The following ZFAT variants were observed in gnomAD, a reference collection of about 807,000 sequenced individuals.
ZFAT encodes the protein zinc finger protein ZFAT.
A neutral mutation model predicts 117.7 loss-of-function variants in ZFAT; 64 were observed. That is an observed-to-expected ratio of 0.54 (90% CI 0.44 to 0.67). The LOEUF (loss-of-function observed/expected upper bound fraction) is 0.67, where lower values mean the gene tolerates loss of function less well. ZFAT is among the 30% of genes least tolerant of loss of function. The pLI, the probability that ZFAT is intolerant of heterozygous loss-of-function variation, is 0.00. For missense variants in ZFAT, 1,433 were observed against 1,584.5 expected, an observed-to-expected ratio of 0.90 and a Z score of 1.62; for synonymous variants, 679 against 615.0, an observed-to-expected ratio of 1.10 and a Z score of -1.54.
chr8:134,727,717 T>C, the ZFAT span, among the ~76,000 whole-genome samples: 1 of 152,062 alleles, frequency 6.6e-6, no homozygotes, highest in Non-Finnish European at 1.5e-5. Flanking sequence ...GGCCAGATAG[T>C]AAATATTTTC....
chr8:134,507,698 G>A (rs545992620), intron 15 of ZFAT, among the ~76,000 whole-genome samples: 32 of 152,290 alleles, frequency 2.1e-4, no homozygotes, highest in African/African-American at 7.5e-4. Context: ...GTGACCTCGT[G>A]TATCACTGCA....
intron 10 of ZFAT, among the ~76,000 whole-genome samples, chr8:134,570,062 CA>C (rs1824781239): frequency 1.3e-5 from 2 of 152,102 alleles, no homozygotes; most frequent in South Asian, 4.2e-4. Context: ...TCTCAGAGCT[CA>C]TGTACTGCCT....
At chr8:134,650,669 A>G (rs1475727550) in intron 2 of ZFAT, among the ~76,000 whole-genome samples, 2 of 152,224 alleles carry the variant, frequency 1.3e-5, no homozygotes, top group African/African-American at 4.8e-5. Flanking sequence ...TACTACAGTT[A>G]CAGCCATCTA....
chr8:134,772,266 A>T, the ZFAT span, among the ~76,000 whole-genome samples: 1 of 152,374 alleles, frequency 6.6e-6, no homozygotes, highest in East Asian at 1.9e-4. Flanking sequence ...AAGCTAAGAC[A>T]GGCCTAAGGC....
At chr8:134,622,479 C>T (rs1458632823) in intron 3 of ZFAT, among the ~76,000 whole-genome samples, 2 of 152,180 alleles carry the variant, frequency 1.3e-5, no homozygotes, top group Non-Finnish European at 2.9e-5. Context: ...GGGTCTAGTG[C>T]CCCTGCAGGG....
chr8:134,559,231 G>A (rs753875301), intron 11 of ZFAT, among the ~76,000 whole-genome samples: 12 of 152,162 alleles, frequency 7.9e-5, no homozygotes, highest in Admixed American at 3.9e-4. Context: ...TCACCCACCT[G>A]CAACAGGTTA....
chr8:134,508,002 A>G (rs888190492), intron 15 of ZFAT, among the ~76,000 whole-genome samples: 1 of 152,230 alleles, frequency 6.6e-6, no homozygotes, highest in Non-Finnish European at 1.5e-5. Flanking sequence ...AAAGGTACTT[A>G]GCCTGGAAGT....
intron 15 of ZFAT, among the ~76,000 whole-genome samples, chr8:134,502,564 C>A (rs570694164): frequency 5.9e-4 from 90 of 152,286 alleles, no homozygotes; most frequent in African/African-American, 2.1e-3. Flanking sequence ...TATGCTGAGC[C>A]CAGGGTGGGG....
chr8:134,728,931 T>A, the ZFAT span, among the ~76,000 whole-genome samples: 1 of 152,210 alleles, frequency 6.6e-6, no homozygotes, highest in Non-Finnish European at 1.5e-5. Context: ...GGATTTTTTT[T>A]AATGGAAAGT....
rs553419095 is a variant in ZFAT, at chr8:134,687,525, C to T, written c.19+25320G>A. Among the ~76,000 whole-genome samples the T allele has an allele frequency of 2.0e-5, 3 of 152,194 alleles. No individual in the cohort carries two copies. In the South Asian group the frequency reaches 6.2e-4, roughly 32 times the overall value. On this transcript the variant is annotated intron_variant, in intron 1 of 15. Transcript: ENST00000377838. ...CAATAATCATAGCTTTAAAATGTGG[C>T]CCTCAGGAAAGCACCACAAATCATT...
chr8:134,544,017 G>A (rs1822485589), intron 11 of ZFAT, among the ~76,000 whole-genome samples: 2 of 152,222 alleles, frequency 1.3e-5, no homozygotes, highest in Non-Finnish European at 2.9e-5. Flanking sequence ...GGTACTAAGA[G>A]TGGGAATGTT....
rs1830951244 is a variant in ZFAT at position 134,647,240 on chromosome 8, T to C, written c.197-9528A>G. ...CATATGTGTATAAATAAATGTGATA[T>C]ATAACATTTATAGAATTAAGGACAA... On this transcript the variant is annotated intron_variant, in intron 2 of 15. Transcript: ENST00000377838. Among the ~76,000 whole-genome samples the C allele has an allele frequency of 2.6e-5, 4 of 152,164 alleles. No homozygotes were observed. In the South Asian group the frequency reaches 8.3e-4, roughly 32 times the overall value.
At chr8:134,526,043 T>G (rs1554638574) in intron 12 of ZFAT, among the ~76,000 whole-genome samples, 1 of 152,062 alleles carries the variant, frequency 6.6e-6, no homozygotes, top group Non-Finnish European at 1.5e-5. Flanking sequence ...ACCTCCACTT[T>G]TTGTTGTTGT....
At chr8:134,738,268 G>A in the ZFAT span, among the ~76,000 whole-genome samples, 132,298 of 151,882 alleles carry the variant, frequency 0.87, 57,873 homozygotes, top group Non-Finnish European at 0.89. Context: ...CACCAAGCTT[G>A]GGGGTTGAAA....
Position 134,537,836 on chromosome 8 carries a change from C to G in ZFAT, c.2977-4864G>C, listed in dbSNP as rs76315416. On this transcript the variant is annotated intron_variant, in intron 11 of 15. Transcript: ENST00000377838. The stretch of plus-strand genomic sequence containing the variant: ...TTAAGAGAGGTGAAGAAGGTAAAAC[C>G]AGTCAGACCTGATGGCTGGGATGAT... Among the ~76,000 whole-genome samples the G allele has an allele frequency of 2.9e-3, 441 of 152,202 alleles. 3 individuals are homozygous for G. Among genetic ancestry groups the G allele is most frequent in the African/African-American group, 0.01 (420 of 41,536 alleles).
chr8:134,669,219 A>C (rs1832423294), intron 1 of ZFAT, among the ~76,000 whole-genome samples: 1 of 152,234 alleles, frequency 6.6e-6, no homozygotes, highest in African/African-American at 2.4e-5. Context: ...CTAACAAGGT[A>C]GGCCAACATT....
chr8:134,564,944 T>G, intron 11 of ZFAT: 1 of 1,211,788 alleles, frequency 8.3e-7, no homozygotes, highest in Non-Finnish European at 1.0e-6. Context: ...TACAACTGCT[T>G]GCCGGGTGGG....
At position 134,712,846 on chromosome 8, in the gene ZFAT, T is replaced by G; in HGVS notation, c.18A>C (p.Ala6=). 1 of 1,020,020 alleles carries G rather than the reference T, an allele frequency of 9.8e-7. No individual in the cohort carries two copies. Among genetic ancestry groups the G allele is most frequent in the South Asian group, 1.7e-5 (1 of 59,038 alleles). 63.2% of individuals were successfully genotyped at this position (1,020,020 alleles called of 1,614,324 possible). ...ACCCCAACCCCCAGCCCGGCTCACC[T>G]GCCGCCCGCGTCTCCATGGCAACGC... METRA[A]ENTAIFMCKC... is the part of the protein sequence containing the mutation. The change falls in exon 1 of 16, where the codon GCA becomes GCC. Residue 6 remains alanine, a splice_region_variant and synonymous_variant. Coordinates refer to ENST00000377838, the MANE Select transcript of ZFAT (RefSeq NM_020863.4).
chr8:134,598,705 C>G (rs1402930743), intron 7 of ZFAT: 1 of 152,190 alleles, frequency 6.6e-6, no homozygotes, highest in Non-Finnish European at 1.5e-5. Flanking sequence ...ATTTTTTCAG[C>G]CTATGTTTCA....
Sources: allele counts gnomAD v4.1 joint callset (sites outside exome capture counted in the v4.1 genomes callset), GRCh38; gene constraint gnomAD v4.1.1; transcripts MANE v1.5; gene names NCBI Gene and HGNC (gene_info 2026-07-23, HGNC 2026-07-21).